SKAP1: variants seen among roughly 807,000 people sequenced by gnomAD.
SKAP1 encodes src kinase associated phosphoprotein 1, also known as src kinase-associated phosphoprotein 1.
Under a neutral mutation model 58.5 loss-of-function variants are expected in SKAP1, and 44 were observed. The ratio of observed to expected loss-of-function variants is 0.75; its 90% CI spans 0.59 to 0.97. The LOEUF is 0.97. Among genes scored for constraint, SKAP1 ranks in the 50% least tolerant of loss-of-function variants. The pLI is 0.00. For missense variants in SKAP1, 390 were observed against 435.2 expected (o/e 0.90, Z 0.92); for synonymous variants, 127 against 149.7 (o/e 0.85, Z 1.11).
chr17:48,385,928 G>A (rs2067269695), intron 2 of SKAP1, among the ~76,000 whole-genome samples: 1 of 152,284 alleles, frequency 6.6e-6, no homozygotes, highest in South Asian at 2.1e-4. Context: ...GCCAAATGTA[G>A]AGGGCTGTCG....
At chr17:48,359,582 C>T (rs1368374827) in intron 3 of SKAP1, among the ~76,000 whole-genome samples, 1 of 151,942 alleles carries the variant, frequency 6.6e-6, no homozygotes, top group Non-Finnish European at 1.5e-5. Flanking sequence ...TTTGTTTTTG[C>T]CAGGCTATAT....
chr17:48,298,652 C>G (rs1052127006), intron 4 of SKAP1, among the ~76,000 whole-genome samples: 4 of 152,122 alleles, frequency 2.6e-5, no homozygotes, highest in African/African-American at 9.7e-5. Context: ...TTAGCAAATC[C>G]CTGTATTCAT....
intron 4 of SKAP1, among the ~76,000 whole-genome samples, chr17:48,251,419 G>T (rs546069461): frequency 2.0e-5 from 3 of 152,290 alleles, no homozygotes; most frequent in Admixed American, 2.0e-4. Context: ...CATTGTTATA[G>T]TTAAGGGTCT....
At chr17:48,295,075 G>A (rs1309477908) in intron 4 of SKAP1, among the ~76,000 whole-genome samples, 1 of 152,136 alleles carries the variant, frequency 6.6e-6, no homozygotes, top group African/African-American at 2.4e-5. Flanking sequence ...TAACAGACCA[G>A]TAGTTTTAGG....
At chr17:48,387,583 T>C (rs1433928172) in intron 2 of SKAP1, among the ~76,000 whole-genome samples, 5 of 152,240 alleles carry the variant, frequency 3.3e-5, no homozygotes, top group Non-Finnish European at 5.9e-5. Flanking sequence ...ACTGTCCTAA[T>C]ATCCCCTGAA....
chr17:48,405,170 ACAGAAACAGAAT>A (rs1183244785), intron 1 of SKAP1, among the ~76,000 whole-genome samples: 1 of 152,190 alleles, frequency 6.6e-6, no homozygotes, highest in Non-Finnish European at 1.5e-5. Flanking sequence ...AGTGTGTCCA[ACAGAAACAGAAT>A]GGAAGCTACA....
chr17:48,286,802 C>A (rs2065835296), intron 4 of SKAP1, among the ~76,000 whole-genome samples: 1 of 152,168 alleles, frequency 6.6e-6, no homozygotes, highest in Admixed American at 6.5e-5. Context: ...TCATCTTAAT[C>A]ATCTAGATAA....
intron 9 of SKAP1, among the ~76,000 whole-genome samples, chr17:48,178,262 C>A (rs2064318633): frequency 6.6e-6 from 1 of 152,124 alleles, no homozygotes; most frequent in African/African-American, 2.4e-5. Flanking sequence ...CCCCCGACTC[C>A]TTTGAAAACG....
intron 4 of SKAP1, among the ~76,000 whole-genome samples, chr17:48,252,224 C>CAGAG (rs143946405): frequency 5.3e-5 from 8 of 150,176 alleles, no homozygotes; most frequent in Non-Finnish European, 1.2e-4. Flanking sequence ...GAGAATGGGG[C>CAGAG]AGAGAGAGAG....
chr17:48,263,129 C>T (rs1567843488), intron 4 of SKAP1, among the ~76,000 whole-genome samples: 1 of 152,006 alleles, frequency 6.6e-6, no homozygotes, highest in Non-Finnish European at 1.5e-5. Flanking sequence ...TTAAATTTTA[C>T]TTAATACTGA....
At chr17:48,207,794 G>A (rs964587872) in intron 4 of SKAP1, among the ~76,000 whole-genome samples, 1 of 152,164 alleles carries the variant, frequency 6.6e-6, no homozygotes, top group South Asian at 2.1e-4. Context: ...AATTTACAAA[G>A]TATTATTGTA....
intron 4 of SKAP1, among the ~76,000 whole-genome samples, chr17:48,261,753 C>T (rs568670642): frequency 9.9e-5 from 15 of 152,274 alleles, no homozygotes; most frequent in East Asian, 3.9e-4. Context: ...GATTTGGTGT[C>T]GTTGTTTTCT....
intron 11 of SKAP1, among the ~76,000 whole-genome samples, chr17:48,154,972 A>C (rs1376037782): frequency 6.6e-6 from 1 of 151,324 alleles, no homozygotes; most frequent in Non-Finnish European, 1.5e-5. Context: ...AGGCAGGAGA[A>C]CCGCTCGAAC....
chr17:48,313,331 T>A (rs2066248646), intron 4 of SKAP1, among the ~76,000 whole-genome samples: 1 of 152,190 alleles, frequency 6.6e-6, no homozygotes, highest in South Asian at 2.1e-4. Flanking sequence ...AATTACCTGA[T>A]ACATCCCTTT....
intron 4 of SKAP1, among the ~76,000 whole-genome samples, chr17:48,262,266 A>C (rs1029670236): frequency 3.3e-5 from 5 of 152,200 alleles, no homozygotes; most frequent in Non-Finnish European, 7.3e-5. Context: ...AAACCAGTAC[A>C]TTTTAAGAGT....
chr17:48,334,872 A>G (rs1178446476), intron 4 of SKAP1, among the ~76,000 whole-genome samples: 1 of 151,836 alleles, frequency 6.6e-6, no homozygotes, highest in Non-Finnish European at 1.5e-5. Context: ...TTTTATTCAC[A>G]TATCTTAAGG....
At chr17:48,359,258 C>T (rs2066909192) in intron 3 of SKAP1, among the ~76,000 whole-genome samples, 1 of 152,034 alleles carries the variant, frequency 6.6e-6, no homozygotes. Flanking sequence ...TATATTTACC[C>T]TGTTTCTTTC....
At chr17:48,415,583 A>T (rs142685960) in intron 1 of SKAP1, among the ~76,000 whole-genome samples, 151 of 152,276 alleles carry the variant, frequency 9.9e-4, no homozygotes, top group African/African-American at 3.5e-3. Flanking sequence ...CTCAACAGAA[A>T]GATAGAGTTG....
chr17:48,356,819 T>TG, intron 3 of SKAP1, among the ~76,000 whole-genome samples: 1 of 152,282 alleles, frequency 6.6e-6, no homozygotes, highest in East Asian at 1.9e-4. Context: ...CAACAGTGAT[T>TG]ACCACTGTTA....
Sources: allele counts gnomAD v4.1 joint callset (sites outside exome capture counted in the v4.1 genomes callset), GRCh38; gene constraint gnomAD v4.1.1; transcripts MANE v1.5; gene names NCBI Gene and HGNC (gene_info 2026-07-23, HGNC 2026-07-21).